SYPL1: variants seen among roughly 807,000 people sequenced by gnomAD.
SYPL1 encodes the protein synaptophysin like 1, also known as synaptophysin-like protein 1.
Under a neutral mutation model 23.7 loss-of-function variants are expected in SYPL1, and 6 were observed. The observed-to-expected ratio is 0.25, with a 90% CI of 0.14 to 0.50. SYPL1 has a LOEUF of 0.50. Ranked by LOEUF, SYPL1 falls within the 20% of genes least tolerant of loss-of-function variation. The pLI is 0.98. For missense variants in SYPL1, 253 were observed against 288.9 expected, an observed-to-expected ratio of 0.88 and a Z score of 0.90; for synonymous variants, 102 against 104.5, an observed-to-expected ratio of 0.98 and a Z score of 0.15.
chr7:106,092,982 A>C lies in SYPL1; in HGVS notation c.558T>G (p.Ser186=). The C allele has an allele frequency of 6.2e-7, 1 of 1,608,904 alleles. No individual in the cohort carries two copies. The highest frequency in any genetic ancestry group is 1.7e-5 in the Admixed American group (1 of 59,164). ...KKKAVLCYFG[S]VTSMGSLNVS... Reference sequence around the variant, plus strand: ...CATTTAGGGATCCCATACTGGTCACAGAGCCAAAGTAACACAGTACTGCTT... The same window carrying C: ...CATTTAGGGATCCCATACTGGTCACCGAGCCAAAGTAACACAGTACTGCTT... The change falls in exon 4 of 5, where the codon TCT becomes TCG. Residue 186 remains serine, a synonymous_variant. Transcript: ENST00000455385.
chr7:106,099,167 T>C lies in SYPL1; in HGVS notation c.185A>G (p.Tyr62Cys). The change falls in exon 2 of 5, where the codon TAT becomes TGT. Residue 62 changes from tyrosine to cysteine, a missense_variant. Tyr to Cys is a radical substitution (Grantham distance 194). Transcript: ENST00000455385. Reference protein sequence around the residue: ...ENKTVTATFGYPFRLNEASFQ... With the variant: ...ENKTVTATFGCPFRLNEASFQ... ...AATAAATATAACTCACCTGAATGGA[T>C]AACCAAAAGTAGCTGTAACAGTTTT... 1.2e-6 allele frequency: 2 copies of C among 1,610,032 alleles called. No homozygotes were observed. The highest frequency in any genetic ancestry group is 1.7e-6 in the Non-Finnish European group (2 of 1,179,038).
chr7:106,092,691 A>AT, intron 4 of SYPL1: 1 of 505,882 alleles, frequency 2.0e-6, no homozygotes, highest in Non-Finnish European at 3.6e-6. Context: ...AAAAAAAAAA[A>AT]GAAATTAATC....
chr7:106,097,782 CA>C lies in SYPL1; in HGVS notation c.309del (p.Phe103LeufsTer31). ...ATGCAGTACAGGAACACAAAGACTGCAAAGGTAACATAGAATTGTGCAGAAG... is the reference window on the plus strand; with the variant it reads ...ATGCAGTACAGGAACACAAAGACTGCAAGGTAACATAGAATTGTGCAGAAG... ...YSSSAQFYVT[F>X]AVFVFLYCIA... On this transcript the variant is annotated frameshift_variant, in exon 3 of 5. Transcript: ENST00000455385. LOFTEE classifies it high-confidence loss of function. The surrounding 1 kb of genome is among the most constrained non-coding windows in gnomAD (Gnocchi z 4.6). 1 of 1,614,000 alleles carries C rather than the reference CA, an allele frequency of 6.2e-7. No individual in the cohort carries two copies. The highest frequency in any genetic ancestry group is 8.5e-7 in the Non-Finnish European group (1 of 1,179,944).
chr7:106,091,737 C>A lies in SYPL1; in HGVS notation c.*68G>T. 2 of 1,479,862 alleles carry A rather than the reference C, an allele frequency of 1.4e-6. No individual in the cohort carries two copies. The highest frequency in any genetic ancestry group is 2.3e-5 in the Admixed American group (1 of 43,100). 91.7% of individuals were successfully genotyped at this position (1,479,862 alleles called of 1,614,324 possible). ...TTACTTTTATTAGAAACAAATAATG[C>A]TTCTCAAGGTGTTGGCAACATGTCA... is the stretch of plus-strand genomic sequence containing the variant. On this transcript the variant is annotated 3_prime_UTR_variant, in exon 5 of 5. Transcript: ENST00000455385. This position sits in a 1 kb window ranked among gnomAD's most constrained non-coding sequence, Gnocchi z 5.0.
chr7:106,108,999 T>C (rs1790006877), intron 1 of SYPL1, among the ~76,000 whole-genome samples: 1 of 152,182 alleles, frequency 6.6e-6, no homozygotes, highest in Admixed American at 6.5e-5. Flanking sequence ...CCAAACTCTA[T>C]TTCACTGCCA....
chr7:106,101,501 G>C (rs1840320307), intron 1 of SYPL1, among the ~76,000 whole-genome samples: 1 of 134,640 alleles, frequency 7.4e-6, no homozygotes, highest in South Asian at 2.4e-4. Flanking sequence ...TCTGGTTACA[G>C]ATAGGAAGAG....
At chr7:106,098,798 TAA>T (rs1840160688) in intron 2 of SYPL1, among the ~76,000 whole-genome samples, 2 of 152,258 alleles carry the variant, frequency 1.3e-5, no homozygotes, top group South Asian at 4.1e-4. Context: ...TGGATTTTTC[TAA>T]GTTATGTTTC....
intron 4 of SYPL1, chr7:106,092,488 T>C (rs1264505119): frequency 1.6e-5 from 4 of 249,138 alleles, no homozygotes; most frequent in East Asian, 2.7e-4. Flanking sequence ...CTGGCCAATA[T>C]GGTGAAACCC....
In SYPL1 at chr7:106,112,276, C is replaced by T. The variant is rs530280636; in HGVS notation, c.-68G>A. The T allele has an allele frequency of 9.0e-6, 13 of 1,450,088 alleles. No homozygotes were observed. The South Asian group carries it at 1.3e-4, about 14-fold the overall frequency. The allele number at this position is 1,450,088 out of a possible 1,614,324, so 89.8% of individuals were successfully genotyped here. On this transcript the variant is annotated 5_prime_UTR_variant, in exon 1 of 5. Coordinates refer to ENST00000455385, the MANE Select transcript of SYPL1 (RefSeq NM_182715.4). ...GAGGAGGGGACCGACGAGACCAGAG[C>T]AGCCCGGTGGCGAGGAAGGGCAGGC... is the stretch of plus-strand genomic sequence containing the variant.
rs1416236635 is a variant in SYPL1 at position 106,095,045 on chromosome 7, A to C, written c.403-1908T>G. On this transcript the variant is annotated intron_variant, in intron 3 of 4. Transcript: ENST00000455385. This position sits in a 1 kb window ranked among gnomAD's most constrained non-coding sequence, Gnocchi z 4.3. ...AGCTCTACTCCTCCCAACAATTCAC[A>C]ATATGAGTCATAGATTTTTAGAATT... is the stretch of plus-strand genomic sequence containing the variant. Among the ~76,000 whole-genome samples the C allele has an allele frequency of 6.6e-6, 1 of 152,166 alleles. No homozygotes were observed.
Position 106,112,229 on chromosome 7 carries a change from A to T in SYPL1, c.-21T>A. 1 of 1,531,318 alleles carries T rather than the reference A, an allele frequency of 6.5e-7. No homozygotes were observed. Among genetic ancestry groups the T allele is most frequent in the Non-Finnish European group, 8.8e-7 (1 of 1,130,618 alleles). 94.9% of individuals were successfully genotyped at this position (1,531,318 alleles called of 1,614,324 possible). ...GACATCCTCTGAGGAAAGGAGGGAG[A>T]GAGAGTCAGGACGACGGGGCGGAGG... On this transcript the variant is annotated 5_prime_UTR_variant, in exon 1 of 5. Coordinates refer to ENST00000455385, the MANE Select transcript of SYPL1 (RefSeq NM_182715.4).
chr7:106,106,781 G>C (rs898316690), intron 1 of SYPL1, among the ~76,000 whole-genome samples: 1 of 149,438 alleles, frequency 6.7e-6, no homozygotes, highest in African/African-American at 2.5e-5. Context: ...GGGAAGTCAA[G>C]GCTGCAATTA....
In SYPL1 at chr7:106,097,064, A is replaced by G. The variant is rs76519620; in HGVS notation, c.402+626T>C. On this transcript the variant is annotated intron_variant, in intron 3 of 4. Coordinates refer to ENST00000455385, the MANE Select transcript of SYPL1 (RefSeq NM_182715.4). This position sits in a 1 kb window ranked among gnomAD's most constrained non-coding sequence, Gnocchi z 4.6. ...ACTTCGTCTTTACAAAAATACACAA[A>G]AAGTAACTGAGTATGGTGGCTTGTG... Among the ~76,000 whole-genome samples the G allele has an allele frequency of 0.026, 3,942 of 152,238 alleles. 82 individuals are homozygous for G. Among genetic ancestry groups the G allele is most frequent in the Non-Finnish European group, 0.041 (2,758 of 68,002 alleles).
Position 106,091,077 on chromosome 7 carries a change from T to TAAAG in SYPL1, c.*724_*727dup, listed in dbSNP as rs1386195588. On this transcript the variant is annotated 3_prime_UTR_variant, in exon 5 of 5. Coordinates refer to ENST00000455385, the MANE Select transcript of SYPL1 (RefSeq NM_182715.4). This position sits in a 1 kb window ranked among gnomAD's most constrained non-coding sequence, Gnocchi z 5.0. ...TCACTAAGAGTAATGCCCATACATA[T>TAAAG]AAAGATATCTAGTTGAGCCACGTTC... 6.6e-6 allele frequency: 1 copy of TAAAG among 152,164 alleles called. No homozygotes were observed. The highest frequency in any genetic ancestry group is 1.5e-5 in the Non-Finnish European group (1 of 68,032). 9.4% of individuals were successfully genotyped at this position (152,164 alleles called of 1,614,324 possible). A position where few individuals can be genotyped will look rare whatever the true frequency, so the allele number is the denominator to read the frequency against.
In SYPL1 at chr7:106,092,939, G is replaced by A; in HGVS notation, c.591+10C>T. 6.5e-7 allele frequency: 1 copy of A among 1,537,122 alleles called. No individual in the cohort carries two copies. The highest frequency in any genetic ancestry group is 8.7e-7 in the Non-Finnish European group (1 of 1,146,122). On this transcript the variant is annotated intron_variant, in intron 4 of 4. Coordinates refer to ENST00000455385, the MANE Select transcript of SYPL1 (RefSeq NM_182715.4). ...ATGAAAGAAAAAAATTATAAATAAT[G>A]CATACATACCACAGATACATTTAGG...
chr7:106,106,485 G>C (rs1430955628), intron 1 of SYPL1, among the ~76,000 whole-genome samples: 9 of 150,936 alleles, frequency 6.0e-5, no homozygotes, highest in Non-Finnish European at 1.0e-4. Flanking sequence ...CTGGGAGGCG[G>C]AAGTTGCAGT....
intron 3 of SYPL1, among the ~76,000 whole-genome samples, chr7:106,094,087 C>T (rs1218556494): frequency 6.6e-6 from 1 of 152,090 alleles, no homozygotes; most frequent in Non-Finnish European, 1.5e-5. Context: ...TAAACATATG[C>T]GTACACTCAA....
In SYPL1 at chr7:106,100,830, T is replaced by C. The variant is rs998715855; in HGVS notation, c.70-1548A>G. 5.3e-5 allele frequency among the ~76,000 whole-genome samples: 8 copies of C among 152,202 alleles called. No individual in the cohort carries two copies. Among genetic ancestry groups the C allele is most frequent in the Non-Finnish European group, 1.0e-4 (7 of 68,024 alleles). On this transcript the variant is annotated intron_variant, in intron 1 of 4. Transcript: ENST00000455385. The surrounding 1 kb of genome is among the most constrained non-coding windows in gnomAD (Gnocchi z 5.1). ...TTATCCTTTGCTCAAAACCCTCCAA[T>C]GGCTTTTGAGCTCTCTATGAATAAA...
chr7:106,090,706 C>CAGAA lies in SYPL1; in HGVS notation c.*1095_*1098dup, dbSNP rs1839685950. 1 of 152,438 alleles carries CAGAA rather than the reference C, an allele frequency of 6.6e-6. No homozygotes were observed. The highest frequency in any genetic ancestry group is 1.5e-5 in the Non-Finnish European group (1 of 68,028). 9.4% of individuals were successfully genotyped at this position (152,438 alleles called of 1,614,324 possible). On this transcript the variant is annotated 3_prime_UTR_variant, in exon 5 of 5. Transcript: ENST00000455385. ...AGCAAAATGTGAATAAGCTTGTATT[C>CAGAA]AGAATATACCTATATGTGTGTGCAA...
Sources: gnomAD v4.1 joint callset for allele counts (sites outside exome capture counted in the v4.1 genomes callset) on GRCh38, gnomAD v4.1.1 for gene constraint, Gnocchi (gnomAD v3.1) non-coding constraint, MANE v1.5 for transcripts, NCBI Gene and HGNC (gene_info 2026-07-23, HGNC 2026-07-21) for gene names.